The following TSHZ2 variants were observed in gnomAD, a reference collection of about 807,000 sequenced individuals.
TSHZ2 encodes the protein teashirt zinc finger homeobox 2.
A neutral mutation model predicts 74.4 loss-of-function variants in TSHZ2; 21 were observed. The ratio of observed to expected loss-of-function variants is 0.28; its 90% CI spans 0.20 to 0.41. TSHZ2 has a LOEUF of 0.41. Among genes scored for constraint, TSHZ2 ranks in the 10% least tolerant of loss-of-function variants. TSHZ2 has a pLI of 1.00. For synonymous variants in TSHZ2, 540 were observed against 515.3 expected (o/e 1.05, Z -0.65); for missense variants, 1,244 against 1,293.5 (o/e 0.96, Z 0.59).
In TSHZ2 at chr20:53,048,309, GGA is replaced by G. The variant is rs546698940; in HGVS notation, c.40+74994_40+74995del. 2.1e-3 allele frequency among the ~76,000 whole-genome samples: 317 copies of G among 149,766 alleles called. 2 individuals carry two copies. The highest frequency in any genetic ancestry group is 7.2e-3 in the African/African-American group (295 of 40,942). ...TACTTACATTTTTAAAAGAAGGGGA[GGA>G]GAGAGAGAGAGAGAGAGCAAAATAA... On this transcript the variant is annotated intron_variant, in intron 1 of 2. Coordinates refer to ENST00000371497, the MANE Select transcript of TSHZ2 (RefSeq NM_173485.6).
At chr20:53,306,301 G>A (rs1326502950) in intron 2 of TSHZ2, among the ~76,000 whole-genome samples, 1 of 152,148 alleles carries the variant, frequency 6.6e-6, no homozygotes, top group Non-Finnish European at 1.5e-5. Flanking sequence ...GATTCCATTA[G>A]CATCTTATTC....
Position 53,253,666 on chromosome 20 carries a change from C to T in TSHZ2, c.208C>T (p.Pro70Ser), listed in dbSNP as rs375538887. ...QKGCFSYQNS[P>S]GSHLSNQDAE... ...AGGCTGCTTCAGCTACCAGAACTCT[C>T]CAGGAAGTCATTTGTCCAATCAGGA... Residue 70 changes from proline (P) to serine (S), a missense_variant, in exon 2 of 3, where the codon CCA becomes TCA. Transcript: ENST00000371497. The T allele has an allele frequency of 1.9e-6, 3 of 1,614,026 alleles. No homozygotes were observed. In the African/African-American group the frequency reaches 4.0e-5, roughly 22 times the overall value.
At chr20:53,305,267 C>G (rs2145488947) in intron 2 of TSHZ2, among the ~76,000 whole-genome samples, 1 of 152,290 alleles carries the variant, frequency 6.6e-6, no homozygotes, top group Admixed American at 6.5e-5. Flanking sequence ...GCTGAAAACA[C>G]CTCGTGGATA....
intron 1 of TSHZ2, among the ~76,000 whole-genome samples, chr20:53,092,703 G>A (rs984364502): frequency 2.6e-5 from 4 of 152,182 alleles, no homozygotes; most frequent in African/African-American, 4.8e-5. Context: ...AGTGGGAAAG[G>A]ATCTAAGAAG....
rs565576187 is a variant in TSHZ2 at position 53,035,546 on chromosome 20, T to C, written c.40+62213T>C. Among the ~76,000 whole-genome samples, 3 of 152,318 alleles carry C rather than the reference T, an allele frequency of 2.0e-5. No individual in the cohort carries two copies. In the South Asian group the frequency reaches 6.2e-4, roughly 32 times the overall value. On this transcript the variant is annotated intron_variant, in intron 1 of 2. Transcript: ENST00000371497. ...GGAATCAAGAAATATAGTGAATATTTCCTGTGGTATATTAATTAAAATATT... is the reference window on the plus strand; with the variant it reads ...GGAATCAAGAAATATAGTGAATATTCCCTGTGGTATATTAATTAAAATATT...
At chr20:53,352,561 G>A (rs547266520) in intron 2 of TSHZ2, among the ~76,000 whole-genome samples, 1 of 151,930 alleles carries the variant, frequency 6.6e-6, no homozygotes, top group African/African-American at 2.4e-5. Flanking sequence ...GTCACGTGAG[G>A]TCAGGACTTC....
Position 53,081,784 on chromosome 20 carries a change from G to A in TSHZ2, c.40+108451G>A, listed in dbSNP as rs79092932. ...TTGTTCTCCCAAACCCATTTTCCCC[G>A]TAAGCTCTGTGGGTTTTATTGTGAA... On this transcript the variant is annotated intron_variant, in intron 1 of 2. Coordinates refer to ENST00000371497, the MANE Select transcript of TSHZ2 (RefSeq NM_173485.6). Among the ~76,000 whole-genome samples the A allele has an allele frequency of 5.4e-3, 827 of 151,988 alleles. 9 individuals carry two copies. The highest frequency in any genetic ancestry group is 0.019 in the African/African-American group (801 of 41,430).
At chr20:53,098,927 C>T (rs1986134328) in intron 1 of TSHZ2, among the ~76,000 whole-genome samples, 1 of 152,212 alleles carries the variant, frequency 6.6e-6, no homozygotes, top group Admixed American at 6.5e-5. Flanking sequence ...CCTTCTGTAT[C>T]TTTGGATGGT....
rs557750286 is a variant in TSHZ2, at chr20:53,450,939, C to T, written c.*9-36205C>T. On this transcript the variant is annotated intron_variant, in intron 2 of 2. Transcript: ENST00000371497. Reference sequence around the variant, plus strand: ...TCTTTACAGTGTCCACTTTTCTCTACTTAATACTACTTTCCAGTCTCAGAA... The same window carrying T: ...TCTTTACAGTGTCCACTTTTCTCTATTTAATACTACTTTCCAGTCTCAGAA... 3.3e-5 allele frequency among the ~76,000 whole-genome samples: 5 copies of T among 152,082 alleles called. No homozygotes were observed. The South Asian group carries it at 1.0e-3, about 32-fold the overall frequency.
At chr20:53,059,872 C>A (rs1984764417) in intron 1 of TSHZ2, among the ~76,000 whole-genome samples, 2 of 152,058 alleles carry the variant, frequency 1.3e-5, no homozygotes, top group Non-Finnish European at 2.9e-5. Context: ...CCCAGTCGTT[C>A]AAAATTTTTT....
chr20:53,002,681 G>A (rs1403095421), intron 1 of TSHZ2, among the ~76,000 whole-genome samples: 1 of 151,992 alleles, frequency 6.6e-6, no homozygotes, highest in Non-Finnish European at 1.5e-5. Context: ...AGGATGCACA[G>A]TTAAATTTGA....
chr20:53,448,805 C>G (rs1262633389), intron 2 of TSHZ2, among the ~76,000 whole-genome samples: 1 of 152,162 alleles, frequency 6.6e-6, no homozygotes, highest in Non-Finnish European at 1.5e-5. Context: ...TGATGTTTCT[C>G]TGGACCACAT....
chr20:53,127,763 G>A (rs532514367), intron 1 of TSHZ2, among the ~76,000 whole-genome samples: 5 of 152,074 alleles, frequency 3.3e-5, no homozygotes, highest in African/African-American at 7.2e-5. Context: ...CAACTTCATC[G>A]ATGACAATGA....
chr20:53,203,471 G>C (rs2123581830), intron 1 of TSHZ2, among the ~76,000 whole-genome samples: 1 of 152,160 alleles, frequency 6.6e-6, no homozygotes, highest in South Asian at 2.1e-4. Context: ...GTTCTGTTTT[G>C]AGGGTTCATT....
At chr20:53,244,903 C>A (rs980003382) in intron 1 of TSHZ2, among the ~76,000 whole-genome samples, 2 of 152,198 alleles carry the variant, frequency 1.3e-5, no homozygotes, top group Admixed American at 1.3e-4. Context: ...GGAGGAAGCT[C>A]TTTTCTTATG....
intron 1 of TSHZ2, among the ~76,000 whole-genome samples, chr20:52,974,605 A>G (rs1381411058): frequency 6.6e-6 from 1 of 152,168 alleles, no homozygotes; most frequent in South Asian, 2.1e-4. Flanking sequence ...TTCTGTTCCA[A>G]CTCTAGCAAA....
Position 53,482,719 on chromosome 20 carries a change from C to T in TSHZ2, c.*9-4425C>T, listed in dbSNP as rs140563123. Among the ~76,000 whole-genome samples, 859 of 151,874 alleles carry T rather than the reference C, an allele frequency of 5.7e-3. 6 individuals carry two copies. Among genetic ancestry groups the T allele is most frequent in the Non-Finnish European group, 7.8e-3 (533 of 67,934 alleles). On this transcript the variant is annotated intron_variant, in intron 2 of 2. Transcript: ENST00000371497. ...AGGAGTTCAAGACCAGCCTGGGCAACGTGGCGAAACCCTGTCTCTACAAAA... is the reference window on the plus strand; with the variant it reads ...AGGAGTTCAAGACCAGCCTGGGCAATGTGGCGAAACCCTGTCTCTACAAAA...
At chr20:53,274,256 G>A (rs1990897073) in intron 2 of TSHZ2, among the ~76,000 whole-genome samples, 1 of 152,208 alleles carries the variant, frequency 6.6e-6, no homozygotes, top group Non-Finnish European at 1.5e-5. Flanking sequence ...GCGACAGAGT[G>A]AGACTCCATC....
At chr20:53,481,377 G>A (rs918564331) in intron 2 of TSHZ2, among the ~76,000 whole-genome samples, 1 of 152,068 alleles carries the variant, frequency 6.6e-6, no homozygotes, top group Non-Finnish European at 1.5e-5. Context: ...TTCAAGACTA[G>A]CCTGGGCAAC....
Sources: gnomAD v4.1 joint callset for allele counts (sites outside exome capture counted in the v4.1 genomes callset) on GRCh38, gnomAD v4.1.1 for gene constraint, MANE v1.5 for transcripts, NCBI Gene and HGNC (gene_info 2026-07-23, HGNC 2026-07-21) for gene names.